Variants in DNM3 observed in about 807,000 individuals in gnomAD.
The protein encoded by DNM3 is dynamin 3, also known as dynamin-3.
In DNM3, 47 loss-of-function variants were observed where a neutral mutation model predicts 101.6. That is an observed-to-expected ratio of 0.46 (90% CI 0.37 to 0.59). DNM3 has a LOEUF of 0.59. DNM3 is among the 20% of genes least tolerant of loss of function. The probability of loss-of-function intolerance (pLI) is 0.00; values close to 1 mark genes in which losing one functional copy is unlikely to be tolerated. For missense variants in DNM3, 849 were observed against 1,085.7 expected, an observed-to-expected ratio of 0.78 and a Z score of 3.06; for synonymous variants, 385 against 387.9, an observed-to-expected ratio of 0.99 and a Z score of 0.09.
intron 14 of DNM3, among the ~76,000 whole-genome samples, chr1:172,157,365 T>C (rs10911124): frequency 0.26 from 39,198 of 151,998 alleles, 5,459 homozygotes; most frequent in East Asian, 0.43. Flanking sequence ...TAAATATGTA[T>C]GGCCTGGTTC....
intron 1 of DNM3, among the ~76,000 whole-genome samples, chr1:171,844,289 CCT>C (rs1245714951): frequency 6.6e-6 from 1 of 152,166 alleles, no homozygotes; most frequent in East Asian, 1.9e-4. Context: ...ATGCAACTTT[CCT>C]CTTTTACACG....
At chr1:172,416,178 C>T (rs2071419454), downstream of DNM3, among the ~76,000 whole-genome samples, 1 of 152,166 alleles carries the variant, frequency 6.6e-6, no homozygotes, top group South Asian at 2.1e-4. Context: ...GTTAGCAACT[C>T]AGTATTCCAA....
intron 2 of DNM3, among the ~76,000 whole-genome samples, chr1:171,936,906 G>C (rs2041468430): frequency 4.4e-5 from 1 of 22,774 alleles, no homozygotes; most frequent in Admixed American, 4.0e-4. Context: ...TCCACAATGG[G>C]GGTCATGTTT....
chr1:172,337,038 A>G (rs1408824052), intron 17 of DNM3, among the ~76,000 whole-genome samples: 1 of 152,204 alleles, frequency 6.6e-6, no homozygotes, highest in Non-Finnish European at 1.5e-5. Context: ...TTGTACTTGC[A>G]TGATGTTTTC....
chr1:171,984,968 A>C (rs2045136780), intron 2 of DNM3, among the ~76,000 whole-genome samples: 1 of 152,230 alleles, frequency 6.6e-6, no homozygotes, highest in Admixed American at 6.5e-5. Flanking sequence ...TATTTTCAAG[A>C]GTTTGAGAAC....
chr1:172,342,346 T>TG (rs1380253985), intron 17 of DNM3, among the ~76,000 whole-genome samples: 2 of 152,120 alleles, frequency 1.3e-5, no homozygotes, highest in Non-Finnish European at 2.9e-5. Context: ...AGCAAAGATA[T>TG]GGAATTAACC....
rs1178790792 is a variant in DNM3 at position 171,933,797 on chromosome 1, A to G, written c.235+11976A>G. Among the ~76,000 whole-genome samples, 10 of 152,146 alleles carry G rather than the reference A, an allele frequency of 6.6e-5. No homozygotes were observed. The East Asian group carries it at 1.5e-3, about 23-fold the overall frequency. On this transcript the variant is annotated intron_variant, in intron 2 of 20. Transcript: ENST00000627582. ...TAAAATAAAGGATAGTGTGATTGAG[A>G]TATTGGAGAGTGAGCTAGGGTAATT...
intron 1 of DNM3, among the ~76,000 whole-genome samples, chr1:171,844,214 A>G (rs2124951342): frequency 6.6e-6 from 1 of 152,310 alleles, no homozygotes; most frequent in South Asian, 2.1e-4. Context: ...TTTCTACTGT[A>G]ACATCTTAGC....
At chr1:172,412,836 A>AATG (rs1271097479), downstream of DNM3, 17 of 772,456 alleles carry the variant, frequency 2.2e-5, no homozygotes, top group African/African-American at 3.8e-5. Context: ...CAAAGTAAAG[A>AATG]ATGATAGCAT....
chr1:171,990,276 C>T (rs1237218204), intron 4 of DNM3, among the ~76,000 whole-genome samples: 1 of 152,094 alleles, frequency 6.6e-6, no homozygotes, highest in African/African-American at 2.4e-5. Context: ...TCTTTTGCCG[C>T]TTGTTCGTGC....
At chr1:171,907,655 T>A in intron 1 of DNM3, among the ~76,000 whole-genome samples, 1 of 152,156 alleles carries the variant, frequency 6.6e-6, no homozygotes, top group East Asian at 1.9e-4. Context: ...TTCTTCCCCT[T>A]GCTCATTCCT....
chr1:172,299,995 T>C (rs1213360458), intron 15 of DNM3, among the ~76,000 whole-genome samples: 4 of 152,182 alleles, frequency 2.6e-5, no homozygotes, highest in Non-Finnish European at 5.9e-5. Context: ...TAATTTACAT[T>C]CCTACCAACA....
At chr1:171,865,910 GTAAA>G (rs1292111754) in intron 1 of DNM3, among the ~76,000 whole-genome samples, 2 of 152,134 alleles carry the variant, frequency 1.3e-5, no homozygotes, top group African/African-American at 4.8e-5. Flanking sequence ...AGATTTCAAT[GTAAA>G]TACTCATACT....
intron 4 of DNM3, among the ~76,000 whole-genome samples, chr1:172,003,833 G>A (rs981642596): frequency 6.6e-6 from 1 of 151,910 alleles, no homozygotes; most frequent in East Asian, 1.9e-4. Flanking sequence ...AGAGAAGGGG[G>A]TTGTGTAAGA....
intron 4 of DNM3, among the ~76,000 whole-genome samples, chr1:172,031,205 G>A (rs1469519082): frequency 6.6e-6 from 1 of 152,138 alleles, no homozygotes; most frequent in African/African-American, 2.4e-5. Flanking sequence ...TACACACCAT[G>A]GAATACTATG....
At chr1:172,223,755 G>C (rs1409789704) in intron 14 of DNM3, among the ~76,000 whole-genome samples, 1 of 152,136 alleles carries the variant, frequency 6.6e-6, no homozygotes, top group Non-Finnish European at 1.5e-5. Flanking sequence ...AGAAACCACT[G>C]TCTTCTTCCT....
intron 2 of DNM3, among the ~76,000 whole-genome samples, chr1:171,935,205 T>G (rs1173757714): frequency 1.3e-5 from 2 of 152,126 alleles, no homozygotes; most frequent in African/African-American, 2.4e-5. Context: ...CTATCTAATT[T>G]CCAACACAAT....
intron 11 of DNM3, among the ~76,000 whole-genome samples, chr1:172,078,583 C>T (rs1007205635): frequency 2.6e-5 from 4 of 152,078 alleles, no homozygotes; most frequent in African/African-American, 7.2e-5. Context: ...TTCAATTTGC[C>T]AGTCTGTATC....
chr1:172,132,142 C>T (rs1281165374), intron 14 of DNM3, among the ~76,000 whole-genome samples: 1 of 152,152 alleles, frequency 6.6e-6, no homozygotes, highest in African/African-American at 2.4e-5. Context: ...GTGAGATTCT[C>T]AATTTCATGT....
Sources: allele counts gnomAD v4.1 joint callset (sites outside exome capture counted in the v4.1 genomes callset), GRCh38; gene constraint gnomAD v4.1.1; transcripts MANE v1.5; gene names NCBI Gene and HGNC (gene_info 2026-07-23, HGNC 2026-07-21).